Variants in CADPS2 observed in about 807,000 individuals in gnomAD.
The protein encoded by CADPS2 is calcium-dependent secretion activator 2.
CADPS2 carries 93 observed loss-of-function variants against 172.5 expected under a neutral mutation model. The observed-to-expected ratio is 0.54, with a 90% confidence interval of 0.46 to 0.64. The LOEUF is 0.64. Ranked by LOEUF, CADPS2 falls within the 30% of genes least tolerant of loss-of-function variation. The pLI, the probability that CADPS2 is intolerant of heterozygous loss-of-function variation, is 0.00. For missense variants in CADPS2, 1,420 were observed against 1,565.9 expected (o/e 0.91, Z 1.57); for synonymous variants, 546 against 555.2 (o/e 0.98, Z 0.23).
chr7:122,809,008 C>G (rs1799411120), intron 1 of CADPS2, among the ~76,000 whole-genome samples: 1 of 152,168 alleles, frequency 6.6e-6, no homozygotes, highest in Non-Finnish European at 1.5e-5. Context: ...GGGACACTTA[C>G]AGGCTCCTGG....
At chr7:122,830,796 C>G (rs1024574924) in intron 1 of CADPS2, among the ~76,000 whole-genome samples, 3 of 152,154 alleles carry the variant, frequency 2.0e-5, no homozygotes, top group Non-Finnish European at 2.9e-5. Flanking sequence ...ATTAAACGAT[C>G]TCATTCTATT....
At chr7:122,806,781 GCTT>G (rs1260619166) in intron 1 of CADPS2, among the ~76,000 whole-genome samples, 2 of 152,066 alleles carry the variant, frequency 1.3e-5, no homozygotes, top group South Asian at 2.1e-4. Context: ...AAATCTGTTA[GCTT>G]ATTATCTAAG....
intron 28 of CADPS2, among the ~76,000 whole-genome samples, chr7:122,333,802 C>T (rs970023864): frequency 5.3e-5 from 8 of 152,056 alleles, no homozygotes; most frequent in Non-Finnish European, 1.2e-4. Flanking sequence ...ATTGCTATCT[C>T]CAGCCCTTAG....
chr7:122,678,819 G>C (rs1420094016), intron 2 of CADPS2, among the ~76,000 whole-genome samples: 1 of 152,158 alleles, frequency 6.6e-6, no homozygotes, highest in Non-Finnish European at 1.5e-5. Flanking sequence ...CATTTTAGCA[G>C]AATGTTGCAG....
chr7:122,330,587 C>T (rs2034757510), intron 28 of CADPS2: 1 of 152,188 alleles, frequency 6.6e-6, no homozygotes, highest in Admixed American at 6.5e-5. Flanking sequence ...TTTGCAAGTT[C>T]TGAGTGTGAA....
At chr7:122,731,018 A>T (rs1222797651) in intron 2 of CADPS2, among the ~76,000 whole-genome samples, 1 of 150,418 alleles carries the variant, frequency 6.6e-6, no homozygotes, top group African/African-American at 2.4e-5. Flanking sequence ...TGAAGGAATG[A>T]AGGAATTTGT....
intron 1 of CADPS2, among the ~76,000 whole-genome samples, chr7:122,760,955 AG>A (rs1447826306): frequency 6.6e-6 from 1 of 152,176 alleles, no homozygotes; most frequent in Non-Finnish European, 1.5e-5. Context: ...TAAAACTTAA[AG>A]TATGATAATA....
intron 1 of CADPS2, among the ~76,000 whole-genome samples, chr7:122,796,031 T>C (rs187410403): frequency 1.3e-5 from 2 of 148,536 alleles, no homozygotes; most frequent in African/African-American, 4.9e-5. Flanking sequence ...ACAAAATCAA[T>C]GAGAAAAAAA....
chr7:122,341,097 T>C (rs561711161), intron 28 of CADPS2, among the ~76,000 whole-genome samples: 68 of 152,310 alleles, frequency 4.5e-4, no homozygotes, highest in African/African-American at 1.5e-3. Flanking sequence ...CCTGGTCAGC[T>C]GGAAACACTG....
chr7:122,869,623 C>T (rs954979133), intron 1 of CADPS2, among the ~76,000 whole-genome samples: 8 of 151,620 alleles, frequency 5.3e-5, no homozygotes, highest in Non-Finnish European at 1.2e-4. Flanking sequence ...CACTAAGGAG[C>T]AACACAAAAA....
chr7:122,590,575 A>G (rs1262592443), intron 6 of CADPS2, among the ~76,000 whole-genome samples: 2 of 151,890 alleles, frequency 1.3e-5, no homozygotes, highest in East Asian at 3.9e-4. Context: ...CAGTGCTGCA[A>G]CAGACACCTT....
intron 16 of CADPS2, among the ~76,000 whole-genome samples, chr7:122,440,962 G>T (rs1457822273): frequency 6.6e-6 from 1 of 151,998 alleles, no homozygotes; most frequent in African/African-American, 2.4e-5. Context: ...TTTTCACCTG[G>T]ATTAAAAATC....
intron 1 of CADPS2, among the ~76,000 whole-genome samples, chr7:122,775,614 C>T (rs780430010): frequency 2.2e-4 from 33 of 152,186 alleles, no homozygotes; most frequent in Non-Finnish European, 3.4e-4. Context: ...CTTGTGGTTA[C>T]CTTTAATTTA....
intron 2 of CADPS2, among the ~76,000 whole-genome samples, chr7:122,722,974 T>A (rs10046586): frequency 4.6e-5 from 7 of 151,882 alleles, no homozygotes; most frequent in African/African-American, 1.7e-4. Context: ...ACTGGCTAGC[T>A]ATATGTAGAC....
intron 9 of CADPS2, among the ~76,000 whole-genome samples, chr7:122,512,845 A>T (rs575147656): frequency 6.6e-6 from 1 of 152,238 alleles, no homozygotes; most frequent in East Asian, 1.9e-4. Context: ...TACGAGGTCA[A>T]AACTGTCTTT....
At chr7:122,734,429 GC>G (rs1459592630) in intron 2 of CADPS2, among the ~76,000 whole-genome samples, 4 of 138,354 alleles carry the variant, frequency 2.9e-5, no homozygotes, top group African/African-American at 5.4e-5. Context: ...TAACTCGGAT[GC>G]TTACAATATG....
intron 12 of CADPS2, among the ~76,000 whole-genome samples, chr7:122,478,869 A>G (rs2056989230): frequency 6.6e-6 from 1 of 152,172 alleles, no homozygotes; most frequent in Admixed American, 6.5e-5. Context: ...ATAGTGCCAC[A>G]ATAAACACAC....
At chr7:122,484,804 T>C (rs73431602) in intron 11 of CADPS2, among the ~76,000 whole-genome samples, 5,735 of 152,162 alleles carry the variant, frequency 0.038, 155 homozygotes, top group African/African-American at 0.061. Context: ...TTATTGTGCT[T>C]TGCAGATGTG....
At chr7:122,474,543 G>C (rs2056401580) in intron 12 of CADPS2, 26 bp from the exon 13 acceptor site, 1 of 1,603,580 alleles carries the variant, frequency 6.2e-7, no homozygotes, top group East Asian at 2.2e-5. Flanking sequence ...AGCATGTACA[G>C]TATATTTACT....
Sources: allele counts gnomAD v4.1 joint callset (sites outside exome capture counted in the v4.1 genomes callset), GRCh38; gene constraint gnomAD v4.1.1; transcripts MANE v1.5; gene names NCBI Gene and HGNC (gene_info 2026-07-23, HGNC 2026-07-21).